The following HOMER2 variants were observed in gnomAD, a reference collection of about 807,000 sequenced individuals.
HOMER2 encodes the protein homer scaffold protein 2, also known as homer protein homolog 2.
In HOMER2, 27 loss-of-function variants were observed where a neutral mutation model predicts 47.0. The observed-to-expected ratio is 0.57, with a 90% CI of 0.42 to 0.79. HOMER2 has a LOEUF of 0.79. Ranked by LOEUF, HOMER2 falls within the 30% of genes least tolerant of loss-of-function variation. The pLI, the probability that HOMER2 is intolerant of heterozygous loss-of-function variation, is 0.00. For missense variants in HOMER2, 443 were observed against 435.0 expected, an observed-to-expected ratio of 1.02 and a Z score of -0.16; for synonymous variants, 161 against 163.8, an observed-to-expected ratio of 0.98 and a Z score of 0.13.
intron 1 of HOMER2, among the ~76,000 whole-genome samples, chr15:82,974,975 C>G (rs890578688): frequency 3.9e-5 from 6 of 152,156 alleles, no homozygotes; most frequent in African/African-American, 1.4e-4. Context: ...GAGGCTGAGG[C>G]AGGAGAATCA....
At chr15:82,860,081 C>T (rs1434882467) in intron 4 of HOMER2, among the ~76,000 whole-genome samples, 6 of 152,016 alleles carry the variant, frequency 3.9e-5, no homozygotes, top group Non-Finnish European at 8.8e-5. Flanking sequence ...AACCCTGTCT[C>T]TACTAAAAAT....
rs559733847 is a variant in HOMER2 at position 82,874,484 on chromosome 15, G to T, written c.294+789C>A. 6.6e-5 allele frequency among the ~76,000 whole-genome samples: 10 copies of T among 152,274 alleles called. No homozygotes were observed. In the South Asian group the frequency reaches 2.1e-3, roughly 32 times the overall value. Reference sequence around the variant, plus strand: ...CTGCTGAGTAAGGCCTCTCAGAGGCGATCAGTTTATTCCCTCAGTTCTTGA... The same window carrying T: ...CTGCTGAGTAAGGCCTCTCAGAGGCTATCAGTTTATTCCCTCAGTTCTTGA... On this transcript the variant is annotated intron_variant, in intron 3 of 8. Transcript: ENST00000450735.
At chr15:82,986,134 C>A (rs192869782), upstream of HOMER2, 29 of 983,770 alleles carry the variant, frequency 2.9e-5, no homozygotes, top group Non-Finnish European at 3.4e-5. Flanking sequence ...TGTTGCAAAG[C>A]GATCCACACG....
intron 1 of HOMER2, among the ~76,000 whole-genome samples, chr15:82,980,521 G>A (rs964910505): frequency 5.3e-5 from 8 of 152,082 alleles, no homozygotes; most frequent in Non-Finnish European, 1.0e-4. Context: ...GTGGCTCTGC[G>A]TGGCGTGTTG....
chr15:82,891,959 G>A (rs2052722520), intron 2 of HOMER2, among the ~76,000 whole-genome samples: 1 of 151,770 alleles, frequency 6.6e-6, no homozygotes. Flanking sequence ...ACAGCAGGAT[G>A]AAGACAGAAA....
exon 2 of HOMER2, chr15:82,840,718 GAGC>G (rs1377387146): frequency 6.6e-6 from 1 of 151,984 alleles, no homozygotes; most frequent in Non-Finnish European, 1.5e-5. Context: ...TTACAAGCAT[GAGC>G]CACTGTGCTT....
chr15:82,930,227 ACT>A (rs767162576), intron 1 of HOMER2, among the ~76,000 whole-genome samples: 1 of 152,078 alleles, frequency 6.6e-6, no homozygotes, highest in Non-Finnish European at 1.5e-5. Context: ...TAACCAAGTC[ACT>A]CCACCTCTCT....
intron 8 of HOMER2, among the ~76,000 whole-genome samples, chr15:82,850,856 C>A (rs1171067741): frequency 1.3e-5 from 2 of 152,214 alleles, no homozygotes; most frequent in Non-Finnish European, 2.9e-5. Context: ...TCAGGCCGCC[C>A]CCCCGCTCCT....
intron 1 of HOMER2, among the ~76,000 whole-genome samples, chr15:82,979,249 C>T (rs1483815458): frequency 6.6e-6 from 1 of 152,094 alleles, no homozygotes; most frequent in Non-Finnish European, 1.5e-5. Context: ...CAGACTAATA[C>T]AGGGAGAGTG....
chr15:82,857,940 T>G (rs930977024), intron 5 of HOMER2, among the ~76,000 whole-genome samples: 3 of 152,228 alleles, frequency 2.0e-5, no homozygotes, highest in African/African-American at 7.2e-5. Context: ...TGCAGTAAAT[T>G]AAAATCTTAC....
chr15:82,872,475 T>C (rs759991244), intron 3 of HOMER2, among the ~76,000 whole-genome samples: 29 of 152,342 alleles, frequency 1.9e-4, no homozygotes, highest in Non-Finnish European at 2.9e-4. Flanking sequence ...CTAATCTGAC[T>C]TGCTGCCAGA....
chr15:82,891,600 T>C (rs2052707158), intron 2 of HOMER2, among the ~76,000 whole-genome samples: 1 of 152,104 alleles, frequency 6.6e-6, no homozygotes. Flanking sequence ...GGGCCCATTC[T>C]ATTGCCCAGC....
intron 8 of HOMER2, among the ~76,000 whole-genome samples, chr15:82,850,880 G>GT (rs951502800): frequency 6.6e-6 from 1 of 152,170 alleles, no homozygotes; most frequent in African/African-American, 2.4e-5. Context: ...CCCCACCAGG[G>GT]ATCTGCAAGG....
At chr15:82,971,591 T>C (rs1283273389) in intron 1 of HOMER2, among the ~76,000 whole-genome samples, 1 of 152,234 alleles carries the variant, frequency 6.6e-6, no homozygotes, top group Non-Finnish European at 1.5e-5. Context: ...CATTTCTCTT[T>C]AGATGCAACA....
At chr15:82,854,959 A>G (rs1020384464) in intron 5 of HOMER2, among the ~76,000 whole-genome samples, 159 bp from the exon 6 acceptor site, 2 of 152,314 alleles carry the variant, frequency 1.3e-5, no homozygotes, top group African/African-American at 4.8e-5. Context: ...ACCCTGATCC[A>G]GGGCCAGGAG....
At chr15:82,915,535 AAAACAAAC>A (rs769255673) in intron 1 of HOMER2, among the ~76,000 whole-genome samples, 13 of 152,002 alleles carry the variant, frequency 8.6e-5, no homozygotes, top group East Asian at 1.9e-4. Context: ...TTCGCTACAA[AAAACAAAC>A]AAACAAACAA....
intron 1 of HOMER2, among the ~76,000 whole-genome samples, chr15:82,939,496 G>A (rs949721575): frequency 5.9e-5 from 9 of 152,058 alleles, no homozygotes; most frequent in Non-Finnish European, 7.4e-5. Flanking sequence ...GCAAAACCCC[G>A]TCTCTACTAA....
intron 1 of HOMER2, among the ~76,000 whole-genome samples, chr15:82,944,417 A>C (rs2219889): frequency 6.6e-6 from 1 of 152,124 alleles, no homozygotes; most frequent in East Asian, 1.9e-4. Flanking sequence ...TAGAAGCTTT[A>C]TGCCCCAATT....
chr15:82,853,242 G>A (rs979743696), intron 6 of HOMER2, among the ~76,000 whole-genome samples: 2 of 152,152 alleles, frequency 1.3e-5, no homozygotes, highest in African/African-American at 4.8e-5. Flanking sequence ...CGAGTTGTGC[G>A]TGATGCTCTT....
Sources: gnomAD v4.1 joint callset for allele counts (sites outside exome capture counted in the v4.1 genomes callset) on GRCh38, gnomAD v4.1.1 for gene constraint, MANE v1.5 for transcripts, NCBI Gene and HGNC (gene_info 2026-07-23, HGNC 2026-07-21) for gene names.